The following HSPA9 variants were observed in gnomAD, a reference collection of about 807,000 sequenced individuals.
HSPA9 encodes the protein heat shock protein family A (Hsp70) member 9, also known as stress-70 protein, mitochondrial.
Under a neutral mutation model 81.5 loss-of-function variants are expected in HSPA9, and 28 were observed. The observed-to-expected ratio is 0.34, with a 90% confidence interval of 0.25 to 0.47. The LOEUF is 0.47. HSPA9 is among the 20% of genes least tolerant of loss of function. The pLI, the probability that HSPA9 is intolerant of heterozygous loss-of-function variation, is 1.00. For synonymous variants in HSPA9, 293 were observed against 290.4 expected, an observed-to-expected ratio of 1.01 and a Z score of -0.09; for missense variants, 678 against 838.0, an observed-to-expected ratio of 0.81 and a Z score of 2.36.
intron 16 of HSPA9, 111 bp from the exon 17 acceptor site, chr5:138,556,225 A>T: frequency 2.8e-6 from 3 of 1,058,632 alleles, no homozygotes; most frequent in Non-Finnish European, 4.4e-6. Context: ...ATTCATTTCT[A>T]TTCCACTCCC....
Position 138,561,712 on chromosome 5 carries a change from T to C in HSPA9, c.1050A>G (p.Gln350=), listed in dbSNP as rs1480795712. Residue 350 remains glutamine, a synonymous_variant, in exon 10 of 17, where the codon CAA becomes CAG. Coordinates refer to ENST00000297185, the MANE Select transcript of HSPA9 (RefSeq NM_004134.7). ...TTAGATCAGTGACAATCCCTTCAAA[T>C]TGAGCACGGGTCAACTTCATATTCA... ...KHLNMKLTRA[Q]FEGIVTDLIR... 24 of 1,614,074 alleles carry C rather than the reference T, an allele frequency of 1.5e-5. No homozygotes were observed. The highest frequency in any genetic ancestry group is 2.2e-5 in the East Asian group (1 of 44,896).
At position 138,555,295 on chromosome 5, in the gene HSPA9, G is replaced by C. The variant is rs1750494980; in HGVS notation, c.*742C>G. ...GAAGCATGAGCCATGGCATATTCTT[G>C]AAGCTAAATCTCAGGGCATCACCCC... is the stretch of plus-strand genomic sequence containing the variant. On this transcript the variant is annotated 3_prime_UTR_variant, in exon 17 of 17. Coordinates refer to ENST00000297185, the MANE Select transcript of HSPA9 (RefSeq NM_004134.7). 1 of 151,906 alleles carries C rather than the reference G, an allele frequency of 6.6e-6. No individual in the cohort carries two copies. Among genetic ancestry groups the C allele is most frequent in the South Asian group, 2.1e-4 (1 of 4,812 alleles). 9.4% of individuals were successfully genotyped at this position (151,906 alleles called of 1,614,324 possible).
rs769313844 is a variant in HSPA9, at chr5:138,561,696, T to C, written c.1066A>G (p.Thr356Ala). Reference protein sequence around the residue: ...LTRAQFEGIVTDLIRRTIAPC... With the variant: ...LTRAQFEGIVADLIRRTIAPC... ...GCGATAGTCCTTCTGATTAGATCAGTGACAATCCCTTCAAATTGAGCACGG... is the reference window on the plus strand; with the variant it reads ...GCGATAGTCCTTCTGATTAGATCAGCGACAATCCCTTCAAATTGAGCACGG... Residue 356 changes from threonine to alanine, a missense_variant, in exon 10 of 17, where the codon ACT becomes GCT. Thr to Ala is a moderately conservative substitution (Grantham distance 58). Transcript: ENST00000297185. 9 of 1,614,090 alleles carry C rather than the reference T, an allele frequency of 5.6e-6. No individual in the cohort carries two copies. The South Asian group carries it at 8.8e-5, about 16-fold the overall frequency.
In HSPA9 at chr5:138,557,885, T is replaced by C. The variant is rs1191348829; in HGVS notation, c.1617A>G (p.Thr539=). Residue 539 remains threonine (T), a synonymous_variant, in exon 13 of 17, where the codon ACA becomes ACG. Coordinates refer to ENST00000297185, the MANE Select transcript of HSPA9 (RefSeq NM_004134.7). ...GTGACTTACTCTGCTGCTCACGTCCTGTGCCTTTATCTTTAGCAGAAACAT... is the reference window on the plus strand; with the variant it reads ...GTGACTTACTCTGCTGCTCACGTCCCGTGCCTTTATCTTTAGCAGAAACAT... ...IVHVSAKDKG[T]GREQQIVIQS... 3 of 1,607,082 alleles carry C rather than the reference T, an allele frequency of 1.9e-6. No homozygotes were observed. Among genetic ancestry groups the C allele is most frequent in the African/African-American group, 2.7e-5 (2 of 74,776 alleles).
intron 5 of HSPA9, among the ~76,000 whole-genome samples, chr5:138,568,169 A>G (rs1302802768): frequency 6.9e-6 from 1 of 144,324 alleles, no homozygotes; most frequent in African/African-American, 2.6e-5. Flanking sequence ...TGGGCGACAG[A>G]GCGAGACTCT....
rs255999 is a variant in HSPA9 at position 138,554,110 on chromosome 5, A to G, written c.*1927T>C. 0.52 allele frequency among the ~76,000 whole-genome samples: 79,350 copies of G among 152,038 alleles called. 22,901 individuals are homozygous for G. Among genetic ancestry groups the G allele is most frequent in the East Asian group, 0.81 (4,166 of 5,172 alleles). ...AGATATATATCCTATTGGCTGTAGG[A>G]AATCTCCATATACCTTCTTGCTATT... On this transcript the variant is annotated 3_prime_UTR_variant, in exon 17 of 17. Coordinates refer to ENST00000297185, the MANE Select transcript of HSPA9 (RefSeq NM_004134.7).
At chr5:138,569,394 A>G (rs570722204) in intron 4 of HSPA9, among the ~76,000 whole-genome samples, 1 of 152,362 alleles carries the variant, frequency 6.6e-6, no homozygotes, top group African/African-American at 2.4e-5. Flanking sequence ...ACTCTCTAAG[A>G]CAAATGGAAA....
Position 138,554,218 on chromosome 5 carries a change from A to AAT in HSPA9, c.*1817_*1818dup, listed in dbSNP as rs1256125040. 6.6e-6 allele frequency among the ~76,000 whole-genome samples: 1 copy of AAT among 152,142 alleles called. No individual in the cohort carries two copies. Among genetic ancestry groups the AAT allele is most frequent in the African/African-American group, 2.4e-5 (1 of 41,406 alleles). On this transcript the variant is annotated 3_prime_UTR_variant, in exon 17 of 17. Coordinates refer to ENST00000297185, the MANE Select transcript of HSPA9 (RefSeq NM_004134.7). ...AACTTCTCCCTCCTAATAGAACTCA[A>AAT]ATATATATTTTGCTTGGGCATTTGG...
Position 138,557,391 on chromosome 5 carries a change from G to A in HSPA9, c.1728+11C>T, listed in dbSNP as rs1277092036. 1 of 1,569,028 alleles carries A rather than the reference G, an allele frequency of 6.4e-7. No homozygotes were observed. The highest frequency in any genetic ancestry group is 2.2e-5 in the East Asian group (1 of 44,670). On this transcript the variant is annotated intron_variant, in intron 14 of 16. Coordinates refer to ENST00000297185, the MANE Select transcript of HSPA9 (RefSeq NM_004134.7). ...ACTAAGATTAAAGTTCAGAAGACAA[G>A]AAGTAATCACCTTCTTTCGCCGGTC... is the stretch of plus-strand genomic sequence containing the variant.
At chr5:138,556,226 T>C (rs1266649680) in intron 16 of HSPA9, 112 bp from the exon 17 acceptor site, 2 of 1,053,740 alleles carry the variant, frequency 1.9e-6, no homozygotes, top group Non-Finnish European at 2.9e-6. Flanking sequence ...TTCATTTCTA[T>C]TCCACTCCCC....
intron 9 of HSPA9, among the ~76,000 whole-genome samples, chr5:138,565,372 A>C (rs1418933133): frequency 3.9e-5 from 6 of 152,086 alleles, no homozygotes; most frequent in Non-Finnish European, 7.4e-5. Context: ...CCTCACAGCC[A>C]CTTAAAAAAA....
chr5:138,556,552 A>G lies in HSPA9; in HGVS notation c.1862T>C (p.Leu621Pro), dbSNP rs1346545146. 1 of 1,614,088 alleles carries G rather than the reference A, an allele frequency of 6.2e-7. No individual in the cohort carries two copies. Among genetic ancestry groups the G allele is most frequent in the Non-Finnish European group, 8.5e-7 (1 of 1,180,004 alleles). The stretch of plus-strand genomic sequence containing the variant: ...TGTTTCGCTGTCTTTTCTAGCCAGG[A>G]GCTCCCTCATTTTGGAAATCTCTTC... ...LKEEISKMRE[L>P]LARKDSETGE... Residue 621 changes from leucine (L) to proline (P), a missense_variant, in exon 16 of 17, where the codon CTC becomes CCC. Physicochemically the swap from Leu to Pro is moderately conservative, Grantham distance 98 (BLOSUM62 -3). Coordinates refer to ENST00000297185, the MANE Select transcript of HSPA9 (RefSeq NM_004134.7).
At chr5:138,562,340 G>A (rs1421252870) in intron 9 of HSPA9, among the ~76,000 whole-genome samples, 1 of 149,300 alleles carries the variant, frequency 6.7e-6, no homozygotes, top group African/African-American at 2.4e-5. Flanking sequence ...ACGAGGTCAG[G>A]AGATCGAGAC....
At chr5:138,563,441 C>G (rs1423736004) in intron 9 of HSPA9, among the ~76,000 whole-genome samples, 2 of 152,310 alleles carry the variant, frequency 1.3e-5, no homozygotes, top group East Asian at 1.9e-4. Context: ...TCACAATGTT[C>G]TTTCCTTACC....
chr5:138,566,718 T>C lies in HSPA9; in HGVS notation c.880A>G (p.Thr294Ala), dbSNP rs1345067022. 3 of 1,611,706 alleles carry C rather than the reference T, an allele frequency of 1.9e-6. No individual in the cohort carries two copies. The highest frequency in any genetic ancestry group is 2.5e-6 in the Non-Finnish European group (3 of 1,177,840). Reference protein sequence around the residue: ...RHIVKEFKRETGVDLTKDNMA... With the variant: ...RHIVKEFKREAGVDLTKDNMA... ...TTGTCTTTAGTCAAATCAACCCCTGTCTATAAAGTGAAGACATTGAACACC... is the reference window on the plus strand; with the variant it reads ...TTGTCTTTAGTCAAATCAACCCCTGCCTATAAAGTGAAGACATTGAACACC... Residue 294 changes from threonine to alanine, a missense_variant and splice_region_variant, in exon 9 of 17, where the codon ACA becomes GCA. Physicochemically the swap from Thr to Ala is moderately conservative, Grantham distance 58. This residue lies in a region of HSPA9 where 484 missense variants were observed against 647.5 expected (regional missense o/e 0.75). Coordinates refer to ENST00000297185, the MANE Select transcript of HSPA9 (RefSeq NM_004134.7).
At chr5:138,556,340 T>G (rs1750518896) in intron 16 of HSPA9, 112 bp downstream of exon 16, 8 of 1,333,284 alleles carry the variant, frequency 6.0e-6, no homozygotes, top group Admixed American at 1.7e-5. Context: ...CTCCCAACTC[T>G]AATCTCACTC....
chr5:138,575,082 C>A, intron 1 of HSPA9, 156 bp downstream of exon 1: 3 of 629,096 alleles, frequency 4.8e-6, no homozygotes, highest in East Asian at 5.5e-5. Flanking sequence ...AAAATCTTGA[C>A]CCGGCAGCGC....
intron 7 of HSPA9, 98 bp downstream of exon 7, chr5:138,567,357 A>C: frequency 1.8e-6 from 2 of 1,087,852 alleles, no homozygotes; most frequent in Non-Finnish European, 2.8e-6. Flanking sequence ...ATACAGACTT[A>C]AAATCAGTAA....
At chr5:138,566,910 G>T in intron 8 of HSPA9, 91 bp downstream of exon 8, 2 of 1,363,616 alleles carry the variant, frequency 1.5e-6, no homozygotes, top group Non-Finnish European at 2.1e-6. Context: ...TAAGGGGGTT[G>T]AACTGAACTC....
Sources: allele counts gnomAD v4.1 joint callset (sites outside exome capture counted in the v4.1 genomes callset), GRCh38; gene constraint gnomAD v4.1.1; regional missense constraint gnomAD v4.1.1; transcripts MANE v1.5; gene names NCBI Gene and HGNC (gene_info 2026-07-23, HGNC 2026-07-21).